The following CDH2 variants were observed in gnomAD, a reference collection of about 807,000 sequenced individuals.
The protein encoded by CDH2 is cadherin-2.
Under a neutral mutation model 92.0 loss-of-function variants are expected in CDH2, and 17 were observed. That is an observed-to-expected ratio of 0.18 (90% CI 0.13 to 0.28). The LOEUF (loss-of-function observed/expected upper bound fraction) is 0.28. CDH2 is among the 10% of genes least tolerant of loss of function. The probability of loss-of-function intolerance (pLI) is 1.00; values close to 1 mark genes in which losing one functional copy is unlikely to be tolerated. For missense variants in CDH2, 862 were observed against 1,133.1 expected, an observed-to-expected ratio of 0.76 and a Z score of 3.44; for synonymous variants, 419 against 415.9, an observed-to-expected ratio of 1.01 and a Z score of -0.09.
chr18:27,989,958 T>C, intron 10 of CDH2, 139 bp downstream of exon 10: 1 of 686,338 alleles, frequency 1.5e-6, no homozygotes, highest in Non-Finnish European at 2.4e-6. Flanking sequence ...AGAAGAAAAT[T>C]CAAAGAATTT....
chr18:28,035,396 A>T (rs1252083151), intron 2 of CDH2, among the ~76,000 whole-genome samples: 1 of 151,962 alleles, frequency 6.6e-6, no homozygotes, highest in Non-Finnish European at 1.5e-5. Context: ...AACTTTGCTG[A>T]ATATCTTATT....
chr18:28,043,495 A>ATATATAAAT (rs1567976503), intron 2 of CDH2, among the ~76,000 whole-genome samples: 1 of 87,372 alleles, frequency 1.1e-5, no homozygotes, highest in South Asian at 3.3e-4. Flanking sequence ...TATATATATA[A>ATATATAAAT]ATATATATAT....
chr18:28,139,501 T>C (rs1157113261), intron 2 of CDH2, among the ~76,000 whole-genome samples: 1 of 152,064 alleles, frequency 6.6e-6, no homozygotes, highest in African/African-American at 2.4e-5. Flanking sequence ...AAGCTTCTGA[T>C]CCTTGTCCTG....
rs187121761 is a variant in CDH2 at position 28,128,735 on chromosome 18, T to C, written c.172+18938A>G. Among the ~76,000 whole-genome samples the C allele has an allele frequency of 2.6e-5, 4 of 152,096 alleles. No homozygotes were observed. In the East Asian group the frequency reaches 5.8e-4, roughly 22 times the overall value. The stretch of plus-strand genomic sequence containing the variant: ...TTCAACTGTAATACCTAAAGTTTTG[T>C]TTCAATGTGCTTCAGTGGCATTCAT... On this transcript the variant is annotated intron_variant, in intron 2 of 15. Transcript: ENST00000269141.
chr18:28,009,696 A>G lies in CDH2; in HGVS notation c.702+21T>C, dbSNP rs562953344. 4 of 1,611,548 alleles carry G rather than the reference A, an allele frequency of 2.5e-6. No homozygotes were observed. In the South Asian group the frequency reaches 4.4e-5, roughly 18 times the overall value. The stretch of plus-strand genomic sequence containing the variant: ...TTTAGAACTGTTAATACACAGAATT[A>G]TCAGCTGGTTGGAATCTTACATGAA... On this transcript the variant is annotated intron_variant, in intron 5 of 15. Transcript: ENST00000269141.
chr18:28,092,743 T>C (rs2015059633), intron 2 of CDH2, among the ~76,000 whole-genome samples: 1 of 152,140 alleles, frequency 6.6e-6, no homozygotes, highest in Admixed American at 6.6e-5. Context: ...CTAATTTTAT[T>C]TACCTTTCTT....
At chr18:28,006,271 C>T (rs2012915056) in intron 5 of CDH2, among the ~76,000 whole-genome samples, 1 of 152,114 alleles carries the variant, frequency 6.6e-6, no homozygotes, top group Non-Finnish European at 1.5e-5. Context: ...AAATTTTCAG[C>T]ATTTGAAGAT....
At chr18:28,068,731 G>A (rs891050593) in intron 2 of CDH2, among the ~76,000 whole-genome samples, 1 of 152,120 alleles carries the variant, frequency 6.6e-6, no homozygotes, top group Non-Finnish European at 1.5e-5. Flanking sequence ...TTTTAAGAAG[G>A]TTGACATGAA....
At chr18:28,176,689 G>A (rs1255461877) in intron 1 of CDH2, among the ~76,000 whole-genome samples, 1 of 152,042 alleles carries the variant, frequency 6.6e-6, no homozygotes, top group Non-Finnish European at 1.5e-5. Context: ...AGCTTGCTCG[G>A]CCCCGAAGAA....
chr18:28,122,626 T>A (rs934748996), intron 2 of CDH2, among the ~76,000 whole-genome samples: 1 of 152,140 alleles, frequency 6.6e-6, no homozygotes, highest in African/African-American at 2.4e-5. Context: ...ATACAAAATA[T>A]GGTTAACGGA....
intron 2 of CDH2, among the ~76,000 whole-genome samples, chr18:28,130,851 G>A (rs1216432869): frequency 2.0e-5 from 3 of 152,144 alleles, no homozygotes; most frequent in Admixed American, 1.3e-4. Flanking sequence ...TCCATAGGAG[G>A]GTGAGACTTA....
chr18:28,109,423 C>A (rs1247951695), intron 2 of CDH2, among the ~76,000 whole-genome samples: 3 of 152,158 alleles, frequency 2.0e-5, no homozygotes, highest in Non-Finnish European at 4.4e-5. Flanking sequence ...TTTTCTCCTC[C>A]TTACACAGTT....
In CDH2 at chr18:28,159,682, AGTCTCACTCT is replaced by A. The variant is rs530693437; in HGVS notation, c.61-11908_61-11899del. Among the ~76,000 whole-genome samples the A allele has an allele frequency of 4.3e-3, 537 of 123,828 alleles. 3 individuals carry two copies. The highest frequency in any genetic ancestry group is 6.6e-3 in the Non-Finnish European group (398 of 60,670). The allele number at this position is 123,828 out of a possible 152,430, so 81.2% of individuals were successfully genotyped here. On this transcript the variant is annotated intron_variant, in intron 1 of 15. Coordinates refer to ENST00000269141, the MANE Select transcript of CDH2 (RefSeq NM_001792.5). ...TGTTTTTTTTTTTTTTTTGAAAGGG[AGTCTCACTCT>A]GTCACCCAGGCTGGAGTGCAGTGGC...
chr18:28,067,130 T>C (rs1055832497), intron 2 of CDH2, among the ~76,000 whole-genome samples: 8 of 152,304 alleles, frequency 5.3e-5, no homozygotes, highest in Middle Eastern at 3.4e-3. Context: ...CATGCTCATA[T>C]AGATTATGAA....
chr18:28,176,571 C>CA (rs1323334098), intron 1 of CDH2, among the ~76,000 whole-genome samples: 5 of 151,960 alleles, frequency 3.3e-5, no homozygotes, highest in African/African-American at 4.8e-5. Context: ...CAGAAATAAA[C>CA]AAAAAAATTG....
chr18:28,177,084 A>G lies in CDH2; in HGVS notation c.-62T>C. 2 of 1,018,966 alleles carry G rather than the reference A, an allele frequency of 2.0e-6. No individual in the cohort carries two copies. The highest frequency in any genetic ancestry group is 1.6e-5 in the South Asian group (1 of 63,532). The allele number at this position is 1,018,966 out of a possible 1,614,324, so 63.1% of individuals were successfully genotyped here. On this transcript the variant is annotated 5_prime_UTR_variant, in exon 1 of 16. Coordinates refer to ENST00000269141, the MANE Select transcript of CDH2 (RefSeq NM_001792.5). ...GCGGCGGCGGCGGCGGCGGCGGCGG[A>G]GGAGGAGGAGGCAGCGGCAGCACCA...
intron 14 of CDH2, among the ~76,000 whole-genome samples, chr18:27,968,941 T>C (rs2011591852): frequency 6.6e-6 from 1 of 152,226 alleles, no homozygotes; most frequent in African/African-American, 2.4e-5. Flanking sequence ...TCACCCTCTA[T>C]AGCTCCCGGC....
chr18:28,122,200 T>C (rs1205356986), intron 2 of CDH2, among the ~76,000 whole-genome samples: 1 of 152,152 alleles, frequency 6.6e-6, no homozygotes, highest in Non-Finnish European at 1.5e-5. Context: ...TCAGATGCCA[T>C]GTCTCCAGGA....
At chr18:27,946,824 C>A (rs78462258), downstream of CDH2, among the ~76,000 whole-genome samples, 397 of 151,922 alleles carry the variant, frequency 2.6e-3, 2 homozygotes, top group East Asian at 0.036. Flanking sequence ...AAGTTCAATT[C>A]AATATTAGAA....
Sources: allele counts gnomAD v4.1 joint callset (sites outside exome capture counted in the v4.1 genomes callset), GRCh38; gene constraint gnomAD v4.1.1; transcripts MANE v1.5; gene names NCBI Gene and HGNC (gene_info 2026-07-23, HGNC 2026-07-21).